SQSTM1: variants seen among roughly 807,000 people sequenced by gnomAD.
The protein encoded by SQSTM1 is sequestosome-1.
SQSTM1 carries 36 observed loss-of-function variants against 45.1 expected under a neutral mutation model. That is an observed-to-expected ratio of 0.80 (90% CI 0.61 to 1.05). The LOEUF (loss-of-function observed/expected upper bound fraction) is 1.05. Among genes scored for constraint, SQSTM1 ranks in the 50% least tolerant of loss-of-function variants. SQSTM1 has a pLI of 0.00. For synonymous variants in SQSTM1, 290 were observed against 244.3 expected (o/e 1.19, Z -1.74); for missense variants, 617 against 607.1 (o/e 1.02, Z -0.17).
chr5:179,830,629 G>C (rs1345800192), intron 5 of SQSTM1, among the ~76,000 whole-genome samples: 1 of 151,776 alleles, frequency 6.6e-6, no homozygotes, highest in Non-Finnish European at 1.5e-5. Context: ...CGTGATCTCA[G>C]CTCACTGCAG....
chr5:179,833,571 G>GT lies in SQSTM1; in HGVS notation c.970-15dup, dbSNP rs748056844. The GT allele has an allele frequency of 1.9e-6, 3 of 1,614,078 alleles. No individual in the cohort carries two copies. ...TGCGCGTGTCTCCTGTGTGCTCATG[G>GT]TGAGTTTTGTTCCAGGAACAGATGG... On this transcript the variant is annotated splice_polypyrimidine_tract_variant and intron_variant, in intron 6 of 7. Transcript: ENST00000389805.
upstream of SQSTM1, among the ~76,000 whole-genome samples, chr5:179,818,216 G>A (rs1757642353): frequency 6.6e-6 from 1 of 151,944 alleles, no homozygotes; most frequent in Non-Finnish European, 1.5e-5. Flanking sequence ...TTAGGAAGAT[G>A]GCAAGGGAGG....
At position 179,833,817 on chromosome 5, in the gene SQSTM1, C is replaced by T. The variant is rs758669927; in HGVS notation, c.1165+35C>T. 6 of 1,609,954 alleles carry T rather than the reference C, an allele frequency of 3.7e-6. No homozygotes were observed. In the Middle Eastern group the frequency reaches 6.6e-4, roughly 177 times the overall value. On this transcript the variant is annotated intron_variant, in intron 7 of 7. Coordinates refer to ENST00000389805, the MANE Select transcript of SQSTM1 (RefSeq NM_003900.5). Reference sequence around the variant, plus strand: ...CCAAGAGGTTTTGTACATATTCCTACCTTTCCCTTTAGAGCATCCTGCCCT... The same window carrying T: ...CCAAGAGGTTTTGTACATATTCCTATCTTTCCCTTTAGAGCATCCTGCCCT...
chr5:179,833,446 C>A, intron 6 of SQSTM1, 141 bp from the exon 7 acceptor site: 3 of 1,014,442 alleles, frequency 3.0e-6, no homozygotes, highest in Non-Finnish European at 4.5e-6. Flanking sequence ...TTGTGAGTGG[C>A]CACTGTTCCC....
intron 1 of SQSTM1, among the ~76,000 whole-genome samples, chr5:179,808,855 G>GT: frequency 7.6e-6 from 1 of 131,604 alleles, no homozygotes; most frequent in South Asian, 2.7e-4. Context: ...TTTATTTTTA[G>GT]TTTATCTTAT....
chr5:179,833,659 C>T lies in SQSTM1; in HGVS notation c.1042C>T (p.Pro348Ser). Reference protein sequence around the residue: ...WTHLSSKEVDPSTGELQSLQM... With the variant: ...WTHLSSKEVDSSTGELQSLQM... The stretch of plus-strand genomic sequence containing the variant: ...CCATCTGTCTTCAAAAGAAGTGGAC[C>T]CGTCTACAGGTGAACTCCAGTCCCT... The change falls in exon 7 of 8, where the codon CCG becomes TCG. Residue 348 changes from proline (P) to serine (S), a missense_variant. Pro to Ser is a moderately conservative substitution (Grantham distance 74). Transcript: ENST00000389805. 1.9e-6 allele frequency: 3 copies of T among 1,614,114 alleles called. No individual in the cohort carries two copies. Among genetic ancestry groups the T allele is most frequent in the South Asian group, 1.1e-5 (1 of 91,076 alleles).
chr5:179,819,717 G>A (rs1337455028), upstream of SQSTM1, among the ~76,000 whole-genome samples: 2 of 152,134 alleles, frequency 1.3e-5, no homozygotes, highest in Non-Finnish European at 2.9e-5. Context: ...TCCACCGCCG[G>A]ATGCAGGGAG....
intron 5 of SQSTM1, among the ~76,000 whole-genome samples, chr5:179,826,244 A>C (rs1010685775): frequency 7.3e-5 from 11 of 150,948 alleles, no homozygotes; most frequent in Non-Finnish European, 1.5e-4. Context: ...TGCTCACTGC[A>C]ACCTCCCCCT....
At chr5:179,827,506 G>A (rs1282212343) in intron 5 of SQSTM1, among the ~76,000 whole-genome samples, 5 of 152,042 alleles carry the variant, frequency 3.3e-5, no homozygotes, top group African/African-American at 2.4e-5. Flanking sequence ...GGATGGTCTC[G>A]ATATCCTGAC....
chr5:179,836,213 C>G lies in SQSTM1; in HGVS notation c.1166-223C>G. ...ATTGATGGTTCTGCTTACACACCAC[C>G]TGGCTGCCTGGTGTCGCAGTGGCAG... On this transcript the variant is annotated intron_variant, in intron 7 of 7. Transcript: ENST00000389805. 3 of 619,588 alleles carry G rather than the reference C, an allele frequency of 4.8e-6. No homozygotes were observed. The South Asian group carries it at 5.6e-5, about 11-fold the overall frequency. The allele number at this position is 619,588 out of a possible 1,614,324, so 38.4% of individuals were successfully genotyped here. A position where few individuals can be genotyped will look rare whatever the true frequency, so the allele number is the denominator to read the frequency against.
chr5:179,822,949 ACAAT>A lies in SQSTM1; in HGVS notation c.206-7_206-4del, dbSNP rs779766449. On this transcript the variant is annotated splice_polypyrimidine_tract_variant and splice_region_variant and intron_variant, in intron 1 of 7. Transcript: ENST00000389805. ...TGGGTGCTCACGTGCTGTCTTTTAA[ACAAT>A]CTAGATGAGGACGGGGACTTGGTTG... 97 of 1,613,780 alleles carry A rather than the reference ACAAT, an allele frequency of 6.0e-5. No individual in the cohort carries two copies. Among genetic ancestry groups the A allele is most frequent in the Non-Finnish European group, 7.7e-5 (91 of 1,179,830 alleles).
chr5:179,835,792 T>G (rs992363830), intron 7 of SQSTM1: 2 of 162,320 alleles, frequency 1.2e-5, no homozygotes, highest in African/African-American at 4.8e-5. Flanking sequence ...ATTACTTTAC[T>G]TAGGATAATG....
upstream of SQSTM1, among the ~76,000 whole-genome samples, chr5:179,819,785 G>T (rs1276459948): frequency 6.6e-6 from 1 of 152,170 alleles, no homozygotes; most frequent in Non-Finnish European, 1.5e-5. Context: ...TGCCCACTTC[G>T]GAGCCCTCCG....
intron 7 of SQSTM1, chr5:179,835,080 C>T: frequency 4.7e-6 from 1 of 212,840 alleles, no homozygotes; most frequent in Non-Finnish European, 9.7e-6. Flanking sequence ...CTCCTCACCT[C>T]CCGGATGGGG....
chr5:179,816,516 G>C (rs756809182), upstream of SQSTM1, among the ~76,000 whole-genome samples: 4 of 152,238 alleles, frequency 2.6e-5, no homozygotes, highest in Non-Finnish European at 4.4e-5. Context: ...TGCAAGGGCA[G>C]CCCCTCCACG....
intron 7 of SQSTM1, among the ~76,000 whole-genome samples, chr5:179,834,411 GTTTATTTA>G (rs112557653): frequency 2.7e-5 from 4 of 146,076 alleles, no homozygotes; most frequent in Non-Finnish European, 6.1e-5. Flanking sequence ...TCTTATTTTT[GTTTATTTA>G]TTTATTTATT....
intron 5 of SQSTM1, among the ~76,000 whole-genome samples, chr5:179,825,991 G>A (rs986289102): frequency 1.8e-4 from 28 of 152,248 alleles, no homozygotes; most frequent in African/African-American, 6.3e-4. Context: ...TGCATCTCTC[G>A]CTAGACGAGT....
intron 5 of SQSTM1, among the ~76,000 whole-genome samples, 166 bp from the exon 6 acceptor site, chr5:179,832,866 A>G (rs1403108776): frequency 6.6e-6 from 1 of 152,078 alleles, no homozygotes; most frequent in Non-Finnish European, 1.5e-5. Context: ...GGTAGAACCT[A>G]GCACCTGCAT....
chr5:179,831,729 TCTG>T (rs1758230372), intron 5 of SQSTM1, among the ~76,000 whole-genome samples: 1 of 151,604 alleles, frequency 6.6e-6, no homozygotes, highest in Admixed American at 6.6e-5. Flanking sequence ...AAAGAAATAG[TCTG>T]CTACTTGACC....
Sources: gnomAD v4.1 joint callset for allele counts (sites outside exome capture counted in the v4.1 genomes callset) on GRCh38, gnomAD v4.1.1 for gene constraint, MANE v1.5 for transcripts, NCBI Gene and HGNC (gene_info 2026-07-23, HGNC 2026-07-21) for gene names.